TEX11: variants seen among roughly 807,000 people sequenced by gnomAD.
The protein encoded by TEX11 is testis expressed 11.
TEX11 carries 7 observed loss-of-function variants against 84.4 expected under a neutral mutation model. The ratio of observed to expected loss-of-function variants is 0.08; its 90% CI spans 0.05 to 0.16. The LOEUF (loss-of-function observed/expected upper bound fraction) is 0.16, where lower values mean the gene tolerates loss of function less well. Ranked by LOEUF, TEX11 falls within the 10% of genes least tolerant of loss-of-function variation. The pLI is 1.00. For missense variants in TEX11, 551 were observed against 660.5 expected (o/e 0.83, Z 1.82); for synonymous variants, 264 against 222.8 (o/e 1.18, Z -1.64).
chrX:70,701,812 G>A (rs991005074), intron 13 of TEX11, among the ~76,000 whole-genome samples: 20 of 111,493 alleles, frequency 1.8e-4, no homozygotes, highest in South Asian at 3.8e-4. Context: ...GACTCCAGTC[G>A]TCAAGGATGA....
At chrX:70,671,910 T>TATATATATATATATACACAC (rs57166359) in intron 15 of TEX11, among the ~76,000 whole-genome samples, 58 of 67,927 alleles carry the variant, frequency 8.5e-4, no homozygotes, top group South Asian at 2.0e-3. Flanking sequence ...TATATATATA[T>TATATATATATATATACACAC]ACACACACAC....
At chrX:70,703,693 A>G (rs777621891) in intron 13 of TEX11, among the ~76,000 whole-genome samples, 18 of 111,739 alleles carry the variant, frequency 1.6e-4, no homozygotes, top group Non-Finnish European at 2.8e-4. Context: ...TAGGTGATCT[A>G]CTACAGCTAT....
At chrX:70,683,840 T>C (rs1255610347) in intron 13 of TEX11, among the ~76,000 whole-genome samples, 1 of 111,474 alleles carries the variant, frequency 9.0e-6, no homozygotes, top group East Asian at 2.8e-4. Flanking sequence ...TATAGACCAA[T>C]GGAATGGAAT....
intron 25 of TEX11, among the ~76,000 whole-genome samples, chrX:70,559,929 A>C (rs4844128): frequency 0.081 from 8,957 of 111,188 alleles, 437 homozygotes; most frequent in Admixed American, 0.25. Context: ...AGATACTGCC[A>C]AACAGTTTTC....
intron 25 of TEX11, among the ~76,000 whole-genome samples, chrX:70,584,688 G>C (rs754867054): frequency 2.6e-4 from 29 of 111,387 alleles, no homozygotes; most frequent in Non-Finnish European, 5.5e-4. Flanking sequence ...CATATTAAAG[G>C]ATTATACAAT....
chrX:70,897,195 TTATATATTA>T (rs1427307495), intron 2 of TEX11, among the ~76,000 whole-genome samples: 1 of 44,036 alleles, frequency 2.3e-5, no homozygotes, highest in Non-Finnish European at 6.2e-5. Context: ...ATAATATATG[TTATATATTA>T]TATATATATA....
chrX:70,696,401 A>G (rs752218529), intron 13 of TEX11, among the ~76,000 whole-genome samples: 2 of 111,600 alleles, frequency 1.8e-5, no homozygotes, highest in African/African-American at 6.5e-5. Flanking sequence ...CTACCCCATC[A>G]TTTACAAAAG....
chrX:70,648,182 A>G (rs1445192248), intron 17 of TEX11, among the ~76,000 whole-genome samples: 1 of 111,101 alleles, frequency 9.0e-6, no homozygotes, highest in East Asian at 2.8e-4. Context: ...CAAACACCGC[A>G]TATTCTCACT....
chrX:70,634,610 A>T (rs974720221), intron 17 of TEX11, among the ~76,000 whole-genome samples: 6 of 111,143 alleles, frequency 5.4e-5, no homozygotes, highest in African/African-American at 2.0e-4. Flanking sequence ...AGAGATCCAC[A>T]CATATATGAC....
intron 9 of TEX11, among the ~76,000 whole-genome samples, chrX:70,767,834 A>C (rs779884541): frequency 1.3e-4 from 15 of 111,704 alleles, no homozygotes; most frequent in Middle Eastern, 9.3e-3. Flanking sequence ...AACATAAATG[A>C]ATCTGGAGAT....
At chrX:70,889,946 A>G (rs1422827374) in intron 2 of TEX11, among the ~76,000 whole-genome samples, 1 of 111,788 alleles carries the variant, frequency 8.9e-6, no homozygotes. Context: ...CAATAATAAC[A>G]TTTAATGTAA....
chrX:70,645,048 T>C (rs1010795867), intron 17 of TEX11, among the ~76,000 whole-genome samples: 2 of 110,488 alleles, frequency 1.8e-5, no homozygotes, highest in African/African-American at 3.3e-5. Flanking sequence ...TTGGATAATC[T>C]AGAAGAAAGA....
intron 24 of TEX11, among the ~76,000 whole-genome samples, chrX:70,598,629 G>C (rs1452856848): frequency 8.9e-6 from 1 of 112,001 alleles, no homozygotes; most frequent in Non-Finnish European, 1.9e-5. Context: ...GTCCATCAAT[G>C]GATGAATGGA....
chrX:70,851,666 TAC>T (rs55903537), intron 7 of TEX11, among the ~76,000 whole-genome samples: 1,793 of 91,958 alleles, frequency 0.019, 15 homozygotes, highest in East Asian at 0.032. Context: ...ATTAAAAACA[TAC>T]ACACACACAC....
chrX:70,530,327 T>C (rs974868415), intron 28 of TEX11, among the ~76,000 whole-genome samples: 7 of 112,084 alleles, frequency 6.2e-5, no homozygotes, highest in African/African-American at 2.3e-4. Flanking sequence ...CTTCAGTCAA[T>C]TACCTCCCTA....
chrX:70,747,373 G>A (rs958751761), intron 9 of TEX11, among the ~76,000 whole-genome samples: 1 of 111,875 alleles, frequency 8.9e-6, no homozygotes, highest in African/African-American at 3.2e-5. Flanking sequence ...CACAGTGTGT[G>A]GAAAATAAAT....
chrX:70,760,518 C>A (rs1018738606), intron 9 of TEX11, among the ~76,000 whole-genome samples: 1 of 111,722 alleles, frequency 9.0e-6, no homozygotes, highest in South Asian at 3.8e-4. Context: ...AAAGGATTCC[C>A]TATTTAATAA....
At chrX:70,592,430 C>T (rs2088944934) in intron 24 of TEX11, among the ~76,000 whole-genome samples, 1 of 111,367 alleles carries the variant, frequency 9.0e-6, no homozygotes, top group African/African-American at 3.3e-5. Flanking sequence ...CTCATCCCCC[C>T]AGATCTCTAT....
chrX:70,624,065 G>A (rs1381553191), intron 19 of TEX11, 59 bp from the exon 20 acceptor site: 1 of 966,925 alleles, frequency 1.0e-6, no homozygotes, highest in Non-Finnish European at 1.4e-6. Flanking sequence ...ATGTGTGAAT[G>A]AATACATACC....
Sources: allele counts gnomAD v4.1 joint callset (sites outside exome capture counted in the v4.1 genomes callset), GRCh38; gene constraint gnomAD v4.1.1; transcripts MANE v1.5; gene names NCBI Gene and HGNC (gene_info 2026-07-23, HGNC 2026-07-21).